The following MYO16 variants were observed in gnomAD, a reference collection of about 807,000 sequenced individuals.
MYO16 encodes the protein myosin XVI, also known as unconventional myosin-XVI.
A neutral mutation model predicts 205.3 loss-of-function variants in MYO16; 94 were observed. The observed-to-expected ratio is 0.46, with a 90% confidence interval of 0.39 to 0.54. The LOEUF (loss-of-function observed/expected upper bound fraction) is 0.54, where lower values mean the gene tolerates loss of function less well. MYO16 is among the 20% of genes least tolerant of loss of function. The pLI, the probability that MYO16 is intolerant of heterozygous loss-of-function variation, is 0.00. For synonymous variants in MYO16, 988 were observed against 954.0 expected (o/e 1.04, Z -0.66); for missense variants, 2,315 against 2,387.5 (o/e 0.97, Z 0.63).
chr13:108,588,010 CAAAT>C, the MYO16 span, among the ~76,000 whole-genome samples: 3 of 151,720 alleles, frequency 2.0e-5, no homozygotes, highest in African/African-American at 4.9e-5. Flanking sequence ...ATCTGGAAAA[CAAAT>C]AAAATATCTA....
chr13:108,499,909 G>A, the MYO16 span, among the ~76,000 whole-genome samples: 3 of 152,136 alleles, frequency 2.0e-5, no homozygotes, highest in Admixed American at 6.5e-5. Context: ...CTTCATGGAA[G>A]TCCATTCCTG....
chr13:108,759,094 A>G (rs971221783), intron 4 of MYO16, among the ~76,000 whole-genome samples: 2 of 152,184 alleles, frequency 1.3e-5, no homozygotes, highest in Non-Finnish European at 2.9e-5. Flanking sequence ...AAATGAAAGG[A>G]CTTGCCAAAT....
intron 1 of MYO16, among the ~76,000 whole-genome samples, chr13:108,632,180 A>T (rs1024128508): frequency 6.6e-6 from 1 of 151,884 alleles, no homozygotes; most frequent in African/African-American, 2.4e-5. Context: ...CTGATGCGTA[A>T]GATTTTCCCA....
intron 31 of MYO16, among the ~76,000 whole-genome samples, chr13:109,132,990 G>A (rs1161515653): frequency 6.6e-6 from 1 of 152,194 alleles, no homozygotes; most frequent in African/African-American, 2.4e-5. Flanking sequence ...CTCAGGAAGG[G>A]CATGCCAACA....
chr13:109,019,036 G>A (rs548256759), intron 22 of MYO16, among the ~76,000 whole-genome samples: 44 of 149,988 alleles, frequency 2.9e-4, no homozygotes, highest in Admixed American at 1.8e-3. Flanking sequence ...TGGCATGATC[G>A]TGGCTCACTG....
At chr13:108,867,490 T>A (rs1449958769) in intron 12 of MYO16, among the ~76,000 whole-genome samples, 1 of 152,146 alleles carries the variant, frequency 6.6e-6, no homozygotes. Flanking sequence ...CCCTGTGCAA[T>A]CTAAGGGTGT....
At chr13:109,075,142 C>G (rs1888051398) in intron 27 of MYO16, among the ~76,000 whole-genome samples, 1 of 152,146 alleles carries the variant, frequency 6.6e-6, no homozygotes, top group Non-Finnish European at 1.5e-5. Flanking sequence ...AGTAGAGCTT[C>G]TATGAACCAC....
chr13:108,753,536 A>G (rs1436062396), intron 4 of MYO16, among the ~76,000 whole-genome samples: 1 of 152,200 alleles, frequency 6.6e-6, no homozygotes, highest in African/African-American at 2.4e-5. Flanking sequence ...AGAGGATTCT[A>G]CAAGAGATAT....
At chr13:109,036,598 G>A (rs1207917671) in intron 23 of MYO16, among the ~76,000 whole-genome samples, 1 of 152,172 alleles carries the variant, frequency 6.6e-6, no homozygotes, top group South Asian at 2.1e-4. Flanking sequence ...AACTGCCGCA[G>A]CATAAGCAAA....
intron 4 of MYO16, among the ~76,000 whole-genome samples, chr13:108,742,013 A>C (rs1884925738): frequency 6.6e-6 from 1 of 152,052 alleles, no homozygotes; most frequent in Admixed American, 6.6e-5. Flanking sequence ...TTTGTTTTTG[A>C]GACAGAATCT....
chr13:108,839,056 C>T (rs1405352770), intron 9 of MYO16, among the ~76,000 whole-genome samples: 1 of 152,040 alleles, frequency 6.6e-6, no homozygotes, highest in South Asian at 2.1e-4. Flanking sequence ...GTTCTGGAGG[C>T]TGAGAAGTCC....
chr13:108,789,108 T>A (rs1176807677), intron 5 of MYO16, among the ~76,000 whole-genome samples: 1 of 152,222 alleles, frequency 6.6e-6, no homozygotes. Context: ...TTATTAAGTA[T>A]CTCGACTTGA....
At chr13:108,584,332 A>G in the MYO16 span, among the ~76,000 whole-genome samples, 5 of 152,164 alleles carry the variant, frequency 3.3e-5, no homozygotes, top group African/African-American at 1.2e-4. Context: ...GTCAAATGCT[A>G]TTGAAATCAA....
At chr13:108,873,012 G>T (rs1049832057) in intron 12 of MYO16, among the ~76,000 whole-genome samples, 1 of 152,138 alleles carries the variant, frequency 6.6e-6, no homozygotes, top group Non-Finnish European at 1.5e-5. Context: ...TGAATTAGTG[G>T]TTATTCCCTG....
At chr13:108,531,334 G>A in the MYO16 span, among the ~76,000 whole-genome samples, 2 of 152,184 alleles carry the variant, frequency 1.3e-5, no homozygotes, top group Non-Finnish European at 2.9e-5. Flanking sequence ...AAGAACATCG[G>A]GAGGAAGCAG....
chr13:109,058,191 A>G (rs182674438), intron 27 of MYO16, among the ~76,000 whole-genome samples: 1 of 152,242 alleles, frequency 6.6e-6, no homozygotes, highest in East Asian at 1.9e-4. Context: ...ATCTCTAGTC[A>G]TCTGGGGACA....
chr13:109,089,782 A>C (rs1888561159), intron 27 of MYO16, among the ~76,000 whole-genome samples: 1 of 152,190 alleles, frequency 6.6e-6, no homozygotes, highest in South Asian at 2.1e-4. Context: ...CTCATATCAC[A>C]CCTGGAATTT....
the MYO16 span, among the ~76,000 whole-genome samples, chr13:108,546,760 C>T: frequency 6.6e-6 from 1 of 152,156 alleles, no homozygotes; most frequent in Non-Finnish European, 1.5e-5. Context: ...GCATGGAAAC[C>T]TTGTGTTTCC....
chr13:108,695,993 A>T (rs913736954), intron 2 of MYO16, among the ~76,000 whole-genome samples: 1 of 152,260 alleles, frequency 6.6e-6, no homozygotes, highest in Non-Finnish European at 1.5e-5. Flanking sequence ...ATCACAAAAT[A>T]TTTAACTGCA....
Sources: allele counts gnomAD v4.1 joint callset (sites outside exome capture counted in the v4.1 genomes callset), GRCh38; gene constraint gnomAD v4.1.1; transcripts MANE v1.5; gene names NCBI Gene and HGNC (gene_info 2026-07-23, HGNC 2026-07-21).